Variants in MACROD2 observed in about 807,000 individuals in gnomAD.
The protein encoded by MACROD2 is ADP-ribose glycohydrolase MACROD2.
In MACROD2, 36 loss-of-function variants were observed where a neutral mutation model predicts 70.4. The observed-to-expected ratio is 0.51, with a 90% CI of 0.39 to 0.68. The LOEUF (loss-of-function observed/expected upper bound fraction) is 0.68. Ranked by LOEUF, MACROD2 falls within the 30% of genes least tolerant of loss-of-function variation. The pLI is 0.00. For missense variants in MACROD2, 496 were observed against 538.4 expected (o/e 0.92, Z 0.78); for synonymous variants, 172 against 178.8 (o/e 0.96, Z 0.30).
intron 5 of MACROD2, among the ~76,000 whole-genome samples, chr20:15,183,337 C>T (rs943279071): frequency 6.6e-6 from 1 of 151,848 alleles, no homozygotes; most frequent in African/African-American, 2.4e-5. Context: ...AAGTTCAAGA[C>T]CAGCCTGGGC....
intron 6 of MACROD2, among the ~76,000 whole-genome samples, chr20:15,332,214 A>G (rs890998490): frequency 6.6e-6 from 1 of 151,640 alleles, no homozygotes; most frequent in African/African-American, 2.4e-5. Flanking sequence ...AAAATGCAAA[A>G]AATGCATTTG....
At chr20:15,800,137 G>GT (rs1408732665) in intron 8 of MACROD2, among the ~76,000 whole-genome samples, 1 of 151,938 alleles carries the variant, frequency 6.6e-6, no homozygotes, top group Non-Finnish European at 1.5e-5. Context: ...GGAATTCTTT[G>GT]TTTCTTTTTG....
intron 4 of MACROD2, among the ~76,000 whole-genome samples, chr20:14,541,558 G>A (rs1211401532): frequency 6.6e-6 from 1 of 151,574 alleles, no homozygotes; most frequent in Non-Finnish European, 1.5e-5. Context: ...TGTATCTTCA[G>A]ACCTAGGACA....
At chr20:14,473,111 A>G (rs1351469233) in intron 3 of MACROD2, among the ~76,000 whole-genome samples, 3 of 152,218 alleles carry the variant, frequency 2.0e-5, no homozygotes, top group African/African-American at 7.2e-5. Flanking sequence ...ACAATATGTA[A>G]TGATCAACCT....
intron 5 of MACROD2, among the ~76,000 whole-genome samples, chr20:14,754,069 T>C (rs759084008): frequency 3.3e-5 from 5 of 152,086 alleles, no homozygotes; most frequent in Non-Finnish European, 5.9e-5. Flanking sequence ...AGTAAAATAC[T>C]TCCATAAAAG....
At chr20:15,339,409 T>G (rs962098609) in intron 6 of MACROD2, among the ~76,000 whole-genome samples, 5 of 151,816 alleles carry the variant, frequency 3.3e-5, no homozygotes, top group Non-Finnish European at 7.3e-5. Context: ...ATATTACTCA[T>G]TGACTGGTAA....
intron 5 of MACROD2, among the ~76,000 whole-genome samples, chr20:15,021,240 C>CTGTG (rs1331922279): frequency 0.021 from 1,347 of 62,730 alleles, 181 homozygotes; most frequent in Non-Finnish European, 0.032. Context: ...ATACACACAC[C>CTGTG]TGTGTGTATG....
At chr20:15,674,754 T>TTTTG (rs1555858788) in intron 8 of MACROD2, among the ~76,000 whole-genome samples, 6 of 148,710 alleles carry the variant, frequency 4.0e-5, no homozygotes, top group African/African-American at 1.5e-4. Context: ...TGTGTGTGTG[T>TTTTG]TGTGTGTGTG....
chr20:15,822,305 A>G (rs948773235), intron 8 of MACROD2, among the ~76,000 whole-genome samples: 4 of 152,200 alleles, frequency 2.6e-5, no homozygotes, highest in Non-Finnish European at 5.9e-5. Context: ...GTTTTACAAT[A>G]CTATATTAAT....
chr20:15,162,206 T>TTTGTA (rs1366218831), intron 5 of MACROD2, among the ~76,000 whole-genome samples: 1 of 152,000 alleles, frequency 6.6e-6, no homozygotes, highest in African/African-American at 2.4e-5. Flanking sequence ...TTGTTTTTGT[T>TTTGTA]TTGTATTGTA....
intron 8 of MACROD2, among the ~76,000 whole-genome samples, chr20:15,811,136 C>T (rs1359734492): frequency 6.6e-6 from 1 of 152,166 alleles, no homozygotes; most frequent in Non-Finnish European, 1.5e-5. Flanking sequence ...AAACTGCCAT[C>T]AGAGTGAACA....
intron 5 of MACROD2, among the ~76,000 whole-genome samples, chr20:14,858,185 A>C (rs2073276358): frequency 6.6e-6 from 1 of 152,140 alleles, no homozygotes; most frequent in Non-Finnish European, 1.5e-5. Context: ...CACATGATAC[A>C]TTTTTATCAC....
chr20:15,087,041 G>A (rs997938189), intron 5 of MACROD2, among the ~76,000 whole-genome samples: 4 of 151,974 alleles, frequency 2.6e-5, no homozygotes, highest in East Asian at 3.9e-4. Flanking sequence ...TAATTGTAGG[G>A]AAAATCTATT....
At chr20:14,126,739 G>A (rs751736945) in intron 3 of MACROD2, among the ~76,000 whole-genome samples, 31 of 152,094 alleles carry the variant, frequency 2.0e-4, no homozygotes, top group Non-Finnish European at 4.3e-4. Flanking sequence ...ATCTGTTACA[G>A]TGACCTGTGA....
intron 10 of MACROD2, among the ~76,000 whole-genome samples, chr20:15,901,652 C>T (rs2065066180): frequency 6.6e-6 from 1 of 152,214 alleles, no homozygotes; most frequent in East Asian, 1.9e-4. Context: ...TTTATCAGGA[C>T]ATAGCCCCAT....
At chr20:14,172,299 GT>G in intron 3 of MACROD2, among the ~76,000 whole-genome samples, 1 of 116,024 alleles carries the variant, frequency 8.6e-6, no homozygotes, top group East Asian at 2.6e-4. Context: ...CTGCCATTCC[GT>G]ACCTTTTTTT....
At chr20:15,677,065 T>C (rs892951546) in intron 8 of MACROD2, among the ~76,000 whole-genome samples, 14 of 152,208 alleles carry the variant, frequency 9.2e-5, no homozygotes, top group Non-Finnish European at 8.8e-5. Context: ...AAGGTTAAAA[T>C]TAGTAGTGTG....
chr20:15,685,814 G>A (rs1009282727), intron 8 of MACROD2, among the ~76,000 whole-genome samples: 1 of 152,080 alleles, frequency 6.6e-6, no homozygotes, highest in Non-Finnish European at 1.5e-5. Flanking sequence ...GCTCTTTTTT[G>A]AGGGGCTGAG....
chr20:14,807,066 C>T (rs1176565520), intron 5 of MACROD2, among the ~76,000 whole-genome samples: 1 of 152,138 alleles, frequency 6.6e-6, no homozygotes, highest in Non-Finnish European at 1.5e-5. Flanking sequence ...AGTAGCAGAT[C>T]TCCCAGCACA....
Sources: allele counts gnomAD v4.1 joint callset (sites outside exome capture counted in the v4.1 genomes callset), GRCh38; gene constraint gnomAD v4.1.1; transcripts MANE v1.5; gene names NCBI Gene and HGNC (gene_info 2026-07-23, HGNC 2026-07-21).